ULK4: variants seen among roughly 807,000 people sequenced by gnomAD.
ULK4 encodes the protein unc-51 like kinase 4.
In ULK4, 133 loss-of-function variants were observed where a neutral mutation model predicts 160.6. The observed-to-expected ratio is 0.83, with a 90% CI of 0.72 to 0.96. The LOEUF (loss-of-function observed/expected upper bound fraction) is 0.96. ULK4 is among the 40% of genes least tolerant of loss of function. The pLI is 0.00. For missense variants in ULK4, 1,580 were observed against 1,499.5 expected, an observed-to-expected ratio of 1.05 and a Z score of -0.89; for synonymous variants, 534 against 539.8, an observed-to-expected ratio of 0.99 and a Z score of 0.15.
chr3:41,506,767 A>AAAAAAAAAAAAAATATATATATAAAT, intron 32 of ULK4, among the ~76,000 whole-genome samples: 6 of 56,794 alleles, frequency 1.1e-4, no homozygotes, highest in East Asian at 8.2e-4. Context: ...TGTGATTTAA[A>AAAAAAAAAAAAAATATATATATAAAT]ATATATATAT....
chr3:41,642,325 G>A (rs1404672675), intron 30 of ULK4, among the ~76,000 whole-genome samples: 1 of 151,926 alleles, frequency 6.6e-6, no homozygotes, highest in Non-Finnish European at 1.5e-5. Flanking sequence ...ATCTCCTAAT[G>A]CTATCCCTCC....
rs577193949 is a variant in ULK4 at position 41,479,246 on chromosome 3, T to C, written c.3227-15993A>G. Among the ~76,000 whole-genome samples the C allele has an allele frequency of 7.2e-5, 11 of 152,328 alleles. No homozygotes were observed. The South Asian group carries it at 2.3e-3, about 32-fold the overall frequency. On this transcript the variant is annotated intron_variant, in intron 32 of 36. Transcript: ENST00000301831. Reference sequence around the variant, plus strand: ...CCCCTGTCATCTACTTCTGAGATGGTAAGTAAACATTCGGGAGAAAATCAG... The same window carrying C: ...CCCCTGTCATCTACTTCTGAGATGGCAAGTAAACATTCGGGAGAAAATCAG...
At chr3:41,303,069 G>C (rs1321313944) in intron 35 of ULK4, among the ~76,000 whole-genome samples, 1 of 152,122 alleles carries the variant, frequency 6.6e-6, no homozygotes, top group Non-Finnish European at 1.5e-5. Context: ...GAAATGTCAA[G>C]CATTCGAATA....
chr3:41,317,117 G>A (rs201980452), intron 35 of ULK4, among the ~76,000 whole-genome samples: 2,757 of 120,546 alleles, frequency 0.023, 60 homozygotes, highest in African/African-American at 0.077. Flanking sequence ...CGCCCAGGCC[G>A]GACTGCGGAC....
chr3:41,638,724 T>TAAAAGTCTGG (rs2034059119), intron 30 of ULK4, among the ~76,000 whole-genome samples: 1 of 152,202 alleles, frequency 6.6e-6, no homozygotes, highest in Non-Finnish European at 1.5e-5. Context: ...ATAACTGTCA[T>TAAAAGTCTGG]CACATAAAAT....
intron 21 of ULK4, among the ~76,000 whole-genome samples, chr3:41,768,325 A>C (rs1575672947): frequency 6.6e-6 from 1 of 152,342 alleles, no homozygotes; most frequent in South Asian, 2.1e-4. Context: ...AATTGTAGTA[A>C]ATACTCCATC....
At chr3:41,499,742 C>T (rs2085124462) in intron 32 of ULK4, among the ~76,000 whole-genome samples, 1 of 152,136 alleles carries the variant, frequency 6.6e-6, no homozygotes, top group Admixed American at 6.6e-5. Context: ...ATGTGTATGG[C>T]ACATTGGGGT....
intron 13 of ULK4, among the ~76,000 whole-genome samples, chr3:41,900,395 A>G (rs1263626541): frequency 1.3e-5 from 2 of 152,284 alleles, no homozygotes; most frequent in East Asian, 3.9e-4. Flanking sequence ...ATACGGAGAA[A>G]CAAAAGGACT....
chr3:41,536,640 G>A (rs577828636), intron 32 of ULK4, among the ~76,000 whole-genome samples: 1 of 152,242 alleles, frequency 6.6e-6, no homozygotes, highest in South Asian at 2.1e-4. Flanking sequence ...ATGTTATCAA[G>A]AATATCACAA....
At chr3:41,603,401 G>A (rs1203794284) in intron 31 of ULK4, among the ~76,000 whole-genome samples, 1 of 152,048 alleles carries the variant, frequency 6.6e-6, no homozygotes. Context: ...TATAGTTGAA[G>A]ACTCCAACAC....
intron 22 of ULK4, among the ~76,000 whole-genome samples, chr3:41,750,915 G>A (rs139970024): frequency 3.4e-4 from 52 of 151,144 alleles, no homozygotes; most frequent in African/African-American, 9.0e-4. Flanking sequence ...GCTTGAACCC[G>A]GGAGGCGGAG....
At chr3:41,413,279 A>C (rs2125829279) in intron 34 of ULK4, among the ~76,000 whole-genome samples, 1 of 152,314 alleles carries the variant, frequency 6.6e-6, no homozygotes, top group South Asian at 2.1e-4. Flanking sequence ...TGGGAGCTAA[A>C]ATTCAAGATG....
chr3:41,425,217 C>A (rs1012742686), intron 34 of ULK4, among the ~76,000 whole-genome samples: 1 of 151,894 alleles, frequency 6.6e-6, no homozygotes, highest in Non-Finnish European at 1.5e-5. Flanking sequence ...GACTATATTG[C>A]TGAAATAAGA....
intron 35 of ULK4, among the ~76,000 whole-genome samples, chr3:41,379,220 A>C (rs1275221408): frequency 6.6e-6 from 1 of 152,156 alleles, no homozygotes; most frequent in Non-Finnish European, 1.5e-5. Context: ...AAAATAGTGA[A>C]AAAAGAAAAA....
chr3:41,429,724 T>C (rs1213906125), intron 34 of ULK4, among the ~76,000 whole-genome samples: 4 of 148,554 alleles, frequency 2.7e-5, no homozygotes, highest in Non-Finnish European at 6.0e-5. Context: ...GAACAACACA[T>C]ACTGGGGCCT....
chr3:41,873,586 C>T (rs1697193120), intron 17 of ULK4, among the ~76,000 whole-genome samples: 1 of 152,168 alleles, frequency 6.6e-6, no homozygotes, highest in African/African-American at 2.4e-5. Flanking sequence ...TGGAGTCTCA[C>T]TCTGTCGCCC....
chr3:41,284,581 T>G (rs1371142955), intron 35 of ULK4, among the ~76,000 whole-genome samples: 2 of 152,200 alleles, frequency 1.3e-5, no homozygotes, highest in African/African-American at 4.8e-5. Context: ...TCTCACCTTA[T>G]ATAAAAATCA....
intron 30 of ULK4, among the ~76,000 whole-genome samples, chr3:41,634,776 T>C (rs1455770222): frequency 6.6e-6 from 1 of 152,192 alleles, no homozygotes; most frequent in Non-Finnish European, 1.5e-5. Flanking sequence ...AACATGGATG[T>C]CAAGGCAACA....
chr3:41,813,242 C>T (rs12631201), intron 19 of ULK4, among the ~76,000 whole-genome samples: 8,401 of 152,100 alleles, frequency 0.055, 419 homozygotes, highest in East Asian at 0.16. Flanking sequence ...TACCAAACCA[C>T]CATGGCACAC....
Sources: gnomAD v4.1 joint callset for allele counts (sites outside exome capture counted in the v4.1 genomes callset) on GRCh38, gnomAD v4.1.1 for gene constraint, MANE v1.5 for transcripts, NCBI Gene and HGNC (gene_info 2026-07-23, HGNC 2026-07-21) for gene names.